ABCB5: variants seen among roughly 807,000 people sequenced by gnomAD.
The protein encoded by ABCB5 is ATP-binding cassette sub-family B member 5.
A neutral mutation model predicts 144.2 loss-of-function variants in ABCB5; 155 were observed. That is an observed-to-expected ratio of 1.08 (90% CI 0.94 to 1.23). The LOEUF (loss-of-function observed/expected upper bound fraction) is 1.23, where lower values mean the gene tolerates loss of function less well. Among genes scored for constraint, ABCB5 ranks in the 50% most tolerant of loss-of-function variants. ABCB5 has a pLI of 0.00. For synonymous variants in ABCB5, 610 were observed against 528.6 expected, an observed-to-expected ratio of 1.15 and a Z score of -2.11; for missense variants, 1,830 against 1,520.8, an observed-to-expected ratio of 1.20 and a Z score of -3.38.
At position 20,711,858 on chromosome 7, in the gene ABCB5, TTTCC is replaced by T. The variant is rs1562573878; in HGVS notation, c.2421+7057_2421+7060del. Among the ~76,000 whole-genome samples, 233 of 72,846 alleles carry T rather than the reference TTTCC, an allele frequency of 3.2e-3. 28 individuals carry two copies. Among genetic ancestry groups the T allele is most frequent in the African/African-American group, 0.012 (197 of 16,412 alleles). The allele number at this position is 72,846 out of a possible 152,430, so 47.8% of individuals were successfully genotyped here. A position where few individuals can be genotyped will look rare whatever the true frequency, so the allele number is the denominator to read the frequency against. On this transcript the variant is annotated intron_variant, in intron 20 of 27. Transcript: ENST00000404938. Reference sequence around the variant, plus strand: ...TTTCTTTCTTTCTTTTCTTTCTTTCTTTCCTTCCTCCCTCCCTCCCTCCCTCCCT... The same window carrying T: ...TTTCTTTCTTTCTTTTCTTTCTTTCTTTCCTCCCTCCCTCCCTCCCTCCCT...
rs1450310341 is a variant in ABCB5 at position 20,710,294 on chromosome 7, G to A, written c.2421+5487G>A. Among the ~76,000 whole-genome samples, 13 of 138,210 alleles carry A rather than the reference G, an allele frequency of 9.4e-5. No individual in the cohort carries two copies. In the Admixed American group the frequency reaches 9.6e-4, roughly 10 times the overall value. 90.7% of individuals were successfully genotyped at this position (138,210 alleles called of 152,430 possible). A position where few individuals can be genotyped will look rare whatever the true frequency, so the allele number is the denominator to read the frequency against. Reference sequence around the variant, plus strand: ...AGGCAGGAAAATCGTTTGAACCCGGGAGGCAGAGGTTGAGGTGAGCTGAGA... The same window carrying A: ...AGGCAGGAAAATCGTTTGAACCCGGAAGGCAGAGGTTGAGGTGAGCTGAGA... On this transcript the variant is annotated intron_variant, in intron 20 of 27. Transcript: ENST00000404938.
At chr7:20,698,586 T>G in intron 17 of ABCB5, 36 bp downstream of exon 17, 1 of 1,550,306 alleles carries the variant, frequency 6.5e-7, no homozygotes, top group Non-Finnish European at 8.7e-7. Flanking sequence ...TTTCAGCAAT[T>G]TAAAGAAAGT....
intron 14 of ABCB5, among the ~76,000 whole-genome samples, chr7:20,668,605 G>A (rs1583411990): frequency 7.2e-6 from 1 of 138,938 alleles, no homozygotes; most frequent in African/African-American, 2.7e-5. Context: ...GGGGGGGTCA[G>A]CCCCCCGCCC....
intron 13 of ABCB5, among the ~76,000 whole-genome samples, chr7:20,652,278 T>C (rs1784620108): frequency 6.6e-6 from 1 of 152,078 alleles, no homozygotes; most frequent in Admixed American, 6.6e-5. Context: ...ATAAGAAATG[T>C]GAAATCAGGC....
chr7:20,701,505 T>C (rs763937080), intron 19 of ABCB5, among the ~76,000 whole-genome samples: 2 of 152,236 alleles, frequency 1.3e-5, no homozygotes, highest in East Asian at 1.9e-4. Flanking sequence ...TTTCTGTTCA[T>C]GGAATGCTTT....
chr7:20,748,288 C>T (rs1313974883), intron 26 of ABCB5, among the ~76,000 whole-genome samples: 1 of 152,104 alleles, frequency 6.6e-6, no homozygotes, highest in Non-Finnish European at 1.5e-5. Context: ...TGTTACAGCT[C>T]ACACGTAGGT....
intron 14 of ABCB5, among the ~76,000 whole-genome samples, chr7:20,673,522 T>A (rs1785515114): frequency 6.6e-6 from 1 of 152,082 alleles, no homozygotes; most frequent in South Asian, 2.1e-4. Context: ...TAAACTTATT[T>A]ACTTTGGTTA....
chr7:20,650,028 A>T lies in ABCB5; in HGVS notation c.1213A>T (p.Lys405Ter). 1 of 1,611,778 alleles carries T rather than the reference A, an allele frequency of 6.2e-7. No individual in the cohort carries two copies. The highest frequency in any genetic ancestry group is 1.1e-5 in the South Asian group (1 of 90,738). ...YPSRPSIKIL[K>*]GLNLRIKSGE... ...CCTCCATACATTCCAATAGATTCTG[A>T]AAGGTCTGAATCTCAGAATTAAGTC... is the stretch of plus-strand genomic sequence containing the variant. The change falls in exon 12 of 28, where the codon AAA becomes TAA. Residue 405 changes from lysine to a stop codon, truncating the protein, a stop_gained. Coordinates refer to ENST00000404938, the MANE Select transcript of ABCB5 (RefSeq NM_001163941.2). LOFTEE classifies it high-confidence loss of function.
At chr7:20,735,126 T>C (rs1236468248) in intron 23 of ABCB5, among the ~76,000 whole-genome samples, 1 of 152,070 alleles carries the variant, frequency 6.6e-6, no homozygotes, top group Non-Finnish European at 1.5e-5. Context: ...GCAGAGCATA[T>C]AGGTAAGAAA....
intron 24 of ABCB5, among the ~76,000 whole-genome samples, chr7:20,742,333 C>G (rs1782587715): frequency 6.6e-6 from 1 of 152,142 alleles, no homozygotes; most frequent in Non-Finnish European, 1.5e-5. Flanking sequence ...GAGATCACAC[C>G]ACTGCCTTCC....
At chr7:20,661,128 G>A (rs1583404919) in intron 14 of ABCB5, among the ~76,000 whole-genome samples, 1 of 152,126 alleles carries the variant, frequency 6.6e-6, no homozygotes, top group Non-Finnish European at 1.5e-5. Context: ...TGGTGACATC[G>A]TACTTCAACT....
At chr7:20,743,575 C>T (rs180788646) in intron 25 of ABCB5, among the ~76,000 whole-genome samples, 61 of 152,118 alleles carry the variant, frequency 4.0e-4, no homozygotes, top group Non-Finnish European at 7.4e-4. Flanking sequence ...CCCCATCCTT[C>T]GAAACTAAGG....
intron 13 of ABCB5, among the ~76,000 whole-genome samples, chr7:20,656,480 G>A (rs67368461): frequency 0.36 from 54,795 of 151,936 alleles, 10,645 homozygotes; most frequent in African/African-American, 0.51. Flanking sequence ...TACAAAAGAA[G>A]AATCAAATGA....
chr7:20,662,000 G>A (rs1785019426), intron 14 of ABCB5, among the ~76,000 whole-genome samples: 2 of 152,156 alleles, frequency 1.3e-5, no homozygotes, highest in African/African-American at 4.8e-5. Flanking sequence ...AATGCAGCAG[G>A]TTTCCAAGCT....
At chr7:20,678,364 C>G (rs1214437398) in intron 14 of ABCB5, among the ~76,000 whole-genome samples, 1 of 152,064 alleles carries the variant, frequency 6.6e-6, no homozygotes, top group African/African-American at 2.4e-5. Flanking sequence ...ATGAAGAGAC[C>G]TTGTGGAGAG....
At chr7:20,716,552 C>T (rs1781681032) in intron 20 of ABCB5, among the ~76,000 whole-genome samples, 2 of 151,880 alleles carry the variant, frequency 1.3e-5, no homozygotes, top group South Asian at 4.1e-4. Context: ...CTTTAGTGGA[C>T]ATTTTAAGGG....
intron 20 of ABCB5, among the ~76,000 whole-genome samples, chr7:20,714,577 T>G (rs1226065675): frequency 1.3e-5 from 2 of 152,132 alleles, no homozygotes; most frequent in African/African-American, 4.8e-5. Context: ...ATCTTTCTCA[T>G]TGTACCACCA....
At chr7:20,635,304 A>G (rs1236105716) in intron 5 of ABCB5, among the ~76,000 whole-genome samples, 1 of 151,338 alleles carries the variant, frequency 6.6e-6, no homozygotes, top group African/African-American at 2.4e-5. Context: ...TCGTTACTAT[A>G]GCCTTGTAGT....
At chr7:20,690,052 A>G (rs1236172441) in intron 16 of ABCB5, among the ~76,000 whole-genome samples, 1 of 152,176 alleles carries the variant, frequency 6.6e-6, no homozygotes, top group Non-Finnish European at 1.5e-5. Context: ...AACCTTCAGG[A>G]GTTTTTAAAC....
Sources: gnomAD v4.1 joint callset for allele counts (sites outside exome capture counted in the v4.1 genomes callset) on GRCh38, gnomAD v4.1.1 for gene constraint, MANE v1.5 for transcripts, NCBI Gene and HGNC (gene_info 2026-07-23, HGNC 2026-07-21) for gene names.